The following ABCB1 variants were observed in gnomAD, a reference collection of about 807,000 sequenced individuals.
ABCB1 encodes ATP-dependent translocase ABCB1.
ABCB1 carries 69 observed loss-of-function variants against 142.0 expected under a neutral mutation model. The observed-to-expected ratio is 0.49, with a 90% confidence interval of 0.40 to 0.59. The LOEUF (loss-of-function observed/expected upper bound fraction) is 0.59, where lower values mean the gene tolerates loss of function less well. Ranked by LOEUF, ABCB1 falls within the 20% of genes least tolerant of loss-of-function variation. The pLI, the probability that ABCB1 is intolerant of heterozygous loss-of-function variation, is 0.00. For missense variants in ABCB1, 1,326 were observed against 1,554.7 expected (o/e 0.85, Z 2.47); for synonymous variants, 532 against 539.2 (o/e 0.99, Z 0.18).
chr7:87,708,172 A>G (rs1169584378), intron 1 of ABCB1, among the ~76,000 whole-genome samples: 3 of 152,134 alleles, frequency 2.0e-5, no homozygotes, highest in Non-Finnish European at 4.4e-5. Context: ...AATAAAATTG[A>G]AACAAATATA....
chr7:87,707,011 A>G (rs559672741), intron 1 of ABCB1, among the ~76,000 whole-genome samples: 3 of 152,296 alleles, frequency 2.0e-5, no homozygotes, highest in African/African-American at 4.8e-5. Flanking sequence ...CTGAAAGACA[A>G]TATCTTTGGA....
chr7:87,549,646 A>T, intron 13 of ABCB1, 128 bp from the exon 14 acceptor site: 1 of 1,464,842 alleles, frequency 6.8e-7, no homozygotes. Flanking sequence ...TTTAAATCTT[A>T]TTTAACACAA....
intron 1 of ABCB1, among the ~76,000 whole-genome samples, chr7:87,670,995 T>C (rs976802008): frequency 6.6e-6 from 1 of 152,180 alleles, no homozygotes; most frequent in Non-Finnish European, 1.5e-5. Flanking sequence ...CTTTCTCAAG[T>C]TGGAGGCAGC....
At chr7:87,629,727 C>G (rs1041519611) in intron 1 of ABCB1, among the ~76,000 whole-genome samples, 27 of 151,772 alleles carry the variant, frequency 1.8e-4, no homozygotes, top group Non-Finnish European at 4.4e-5. Flanking sequence ...GAGTTCGAGA[C>G]CAGCCTGGCC....
chr7:87,572,165 TG>T lies in ABCB1; in HGVS notation c.287-1943del, dbSNP rs202011140. On this transcript the variant is annotated intron_variant, in intron 4 of 27. Transcript: ENST00000622132. ...ATCAATCTTGGGAAAGCTTACATTA[TG>T]TATCTTCTGTATTTACCAGGAAATG... Among the ~76,000 whole-genome samples, 766 of 142,614 alleles carry T rather than the reference TG, an allele frequency of 5.4e-3. 4 individuals carry two copies. The highest frequency in any genetic ancestry group is 0.02 in the African/African-American group (728 of 35,978). 93.6% of individuals were successfully genotyped at this position (142,614 alleles called of 152,430 possible). A position where few individuals can be genotyped will look rare whatever the true frequency, so the allele number is the denominator to read the frequency against.
chr7:87,572,621 A>G (rs1818096621), intron 4 of ABCB1, among the ~76,000 whole-genome samples: 1 of 152,226 alleles, frequency 6.6e-6, no homozygotes, highest in Non-Finnish European at 1.5e-5. Flanking sequence ...TGTTCATTGT[A>G]GCACTATTCA....
At chr7:87,635,630 CTT>C (rs898028524) in intron 1 of ABCB1, among the ~76,000 whole-genome samples, 3 of 152,100 alleles carry the variant, frequency 2.0e-5, no homozygotes, top group South Asian at 2.1e-4. Flanking sequence ...TTTTTATTGA[CTT>C]ATACTTTCCA....
Position 87,646,867 on chromosome 7 carries a change from T to C in ABCB1, c.-330-45789A>G, listed in dbSNP as rs368838246. The stretch of plus-strand genomic sequence containing the variant: ...CTATCCATTTACTATGCATTACATC[T>C]GGCATTTGTCTAACTTGACTATCCG... On this transcript the variant is annotated intron_variant, in intron 1 of 28. Transcript: ENST00000265724. Among the ~76,000 whole-genome samples, 7 of 152,336 alleles carry C rather than the reference T, an allele frequency of 4.6e-5. No individual in the cohort carries two copies. The East Asian group carries it at 9.6e-4, about 21-fold the overall frequency.
At chr7:87,612,885 A>T (rs1819901658) in intron 1 of ABCB1, among the ~76,000 whole-genome samples, 1 of 151,946 alleles carries the variant, frequency 6.6e-6, no homozygotes, top group Non-Finnish European at 1.5e-5. Flanking sequence ...GATTTTTCTA[A>T]TCTGTGAGCA....
intron 1 of ABCB1, among the ~76,000 whole-genome samples, chr7:87,691,978 G>A (rs192816444): frequency 6.6e-6 from 1 of 152,164 alleles, no homozygotes; most frequent in Non-Finnish European, 1.5e-5. Flanking sequence ...GTTTGGTCCA[G>A]ATATTTCTGG....
In ABCB1 at chr7:87,693,097, G is replaced by C. The variant is rs1265033920; in HGVS notation, c.-331+20064C>G. Among the ~76,000 whole-genome samples the C allele has an allele frequency of 3.3e-5, 5 of 152,288 alleles. No individual in the cohort carries two copies. In the South Asian group the frequency reaches 8.3e-4, roughly 25 times the overall value. ...TGGAGATTTCAGTGTTTGACTATGA[G>C]AGAAGGAAATGTTATTTTTTGGGAA... On this transcript the variant is annotated intron_variant, in intron 1 of 28. Transcript: ENST00000265724.
intron 1 of ABCB1, among the ~76,000 whole-genome samples, chr7:87,640,391 C>T (rs1822310166): frequency 6.6e-6 from 1 of 151,966 alleles, no homozygotes; most frequent in African/African-American, 2.4e-5. Flanking sequence ...TGCTGTGTTG[C>T]CCAGGCTGGA....
intron 8 of ABCB1, among the ~76,000 whole-genome samples, 161 bp downstream of exon 8, chr7:87,561,102 G>T (rs1161947180): frequency 6.6e-6 from 1 of 152,160 alleles, no homozygotes; most frequent in Admixed American, 6.5e-5. Context: ...AATTAGAATT[G>T]CAACTTCTCC....
intron 1 of ABCB1, among the ~76,000 whole-genome samples, chr7:87,695,555 T>C (rs549177029): frequency 3.9e-5 from 6 of 152,204 alleles, no homozygotes; most frequent in African/African-American, 1.4e-4. Flanking sequence ...AGATGAATAA[T>C]AGCTCAAAGG....
intron 25 of ABCB1, among the ~76,000 whole-genome samples, chr7:87,513,413 CATTA>C (rs1815104390): frequency 6.6e-6 from 1 of 152,106 alleles, no homozygotes; most frequent in African/African-American, 2.4e-5. Context: ...GCAGAATAAT[CATTA>C]ATTATTCCTT....
chr7:87,509,600 G>T, intron 25 of ABCB1, 119 bp from the exon 26 acceptor site: 1 of 1,113,402 alleles, frequency 9.0e-7, no homozygotes, highest in Non-Finnish European at 1.3e-6. Context: ...GGAAAAGTTT[G>T]TGTGATTAAA....
At chr7:87,618,463 G>T (rs17149824) in intron 1 of ABCB1, among the ~76,000 whole-genome samples, 23,938 of 152,096 alleles carry the variant, frequency 0.16, 3,184 homozygotes, top group African/African-American at 0.37. Flanking sequence ...GTTAATAGTC[G>T]CTTTGAATTT....
At chr7:87,592,631 G>C (rs1442063921) in intron 3 of ABCB1, among the ~76,000 whole-genome samples, 1 of 152,180 alleles carries the variant, frequency 6.6e-6, no homozygotes, top group African/African-American at 2.4e-5. Flanking sequence ...AGTCTACCCT[G>C]CTTAGTAGCT....
intron 1 of ABCB1, among the ~76,000 whole-genome samples, chr7:87,649,894 G>T (rs778117869): frequency 1.3e-5 from 2 of 152,086 alleles, no homozygotes; most frequent in African/African-American, 2.4e-5. Context: ...GCTCTCTTGC[G>T]TGCTGCCATG....
Sources: allele counts gnomAD v4.1 joint callset (sites outside exome capture counted in the v4.1 genomes callset), GRCh38; gene constraint gnomAD v4.1.1; transcripts MANE v1.5; gene names NCBI Gene and HGNC (gene_info 2026-07-23, HGNC 2026-07-21).